Variants in MUC22 observed in about 807,000 individuals in gnomAD.
MUC22 encodes the protein mucin-22.
MUC22 carries 24 observed loss-of-function variants against 40.3 expected under a neutral mutation model. The observed-to-expected ratio is 0.60, with a 90% CI of 0.43 to 0.84. The LOEUF is 0.84. Ranked by LOEUF, MUC22 falls within the 40% of genes least tolerant of loss-of-function variation. The pLI is 0.00. For synonymous variants in MUC22, 765 were observed against 844.5 expected (o/e 0.91, Z 1.63); for missense variants, 1,926 against 2,130.7 (o/e 0.90, Z 1.89).
In MUC22 at chr6:31,026,746, C is replaced by T; in HGVS notation, c.1315C>T (p.Pro439Ser). 4 of 1,494,414 alleles carry T rather than the reference C, an allele frequency of 2.7e-6. 1 individual carries two copies. Among genetic ancestry groups the T allele is most frequent in the Non-Finnish European group, 1.8e-6 (2 of 1,123,994 alleles). The allele number at this position is 1,494,414 out of a possible 1,614,324, so 92.6% of individuals were successfully genotyped here. A position where few individuals can be genotyped will look rare whatever the true frequency, so the allele number is the denominator to read the frequency against. Residue 439 changes from proline to serine, a missense_variant, in exon 2 of 4, where the codon CCC (proline) becomes TCC (serine). By Grantham distance (74) the Pro-to-Ser change is moderately conservative (BLOSUM62 -1). Around this residue, in one of 3 missense-constraint regions of MUC22, gnomAD observed 1,281 missense variants for 1,337.8 expected, o/e 0.96. Transcript: ENST00000561890. ...CACTGCAGGCTCGGAAACCATCACA[C>T]CCTCTACTGCAGGCTCAGAGACCAC...
Position 31,027,109 on chromosome 6 carries a change from ACCATAGGCC to A in MUC22, c.1680_1688del (p.Ile561_Pro563del), listed in dbSNP as rs1369931231. 633 of 1,491,310 alleles carry A rather than the reference ACCATAGGCC, an allele frequency of 4.2e-4. 40 individuals carry two copies. In the African/African-American group the frequency reaches 5.7e-3, roughly 13 times the overall value. 92.4% of individuals were successfully genotyped at this position (1,491,310 alleles called of 1,614,324 possible). ...GGGCTCTGAGACCACTATGGCCTCT[ACCATAGGCC>A]CTGAGACCACCAAGGTCTCCACTGC... On this transcript the variant is annotated inframe_deletion, in exon 2 of 4. Coordinates refer to ENST00000561890, the Ensembl canonical transcript of MUC22.
chr6:31,025,905 C>A lies in MUC22; in HGVS notation c.474C>A (p.Thr158=), dbSNP rs780831150. ...AGACTACCATGGCCTCCAGCACAAC[C>A]TCCACTGCAGGCTCTGAGAAAACGA... Residue 158 remains threonine (T), a synonymous_variant, in exon 2 of 4, where the codon ACC becomes ACA. Coordinates refer to ENST00000561890, the Ensembl canonical transcript of MUC22. 2.3e-5 allele frequency: 35 copies of A among 1,535,474 alleles called. 1 individual carries two copies. Among genetic ancestry groups the A allele is most frequent in the African/African-American group, 2.7e-5 (2 of 72,982 alleles).
At chr6:31,009,324 C>T (rs1280711557), upstream of MUC22, among the ~76,000 whole-genome samples, 1 of 152,178 alleles carries the variant, frequency 6.6e-6, no homozygotes, top group Non-Finnish European at 1.5e-5. Flanking sequence ...ACCTCAGCCT[C>T]TCAAGGTGTT....
At chr6:31,027,337 A>C in exon 2 of MUC22, 1 of 1,531,926 alleles carries the variant, frequency 6.5e-7, no homozygotes, top group Non-Finnish European at 8.7e-7. Context: ...CTCTGAGACC[A>C]CCACAGCTTC....
chr6:31,020,554 G>C (rs1057456725), intron 1 of MUC22, among the ~76,000 whole-genome samples: 1 of 151,196 alleles, frequency 6.6e-6, no homozygotes, highest in Non-Finnish European at 1.5e-5. Flanking sequence ...AGGTGACAGC[G>C]TGCTGGCAGT....
At chr6:31,030,720 C>G (rs774763141) in intron 2 of MUC22, among the ~76,000 whole-genome samples, 9 of 152,194 alleles carry the variant, frequency 5.9e-5, no homozygotes, top group Non-Finnish European at 1.2e-4. Flanking sequence ...AATGCTCCCA[C>G]TTCGGTGCCA....
At chr6:31,025,717 G>T (rs138701007) in exon 2 of MUC22, 1 of 1,528,062 alleles carries the variant, frequency 6.5e-7, no homozygotes, top group Non-Finnish European at 8.8e-7. Context: ...GACCAACACG[G>T]CCTCCACCAC....
upstream of MUC22, among the ~76,000 whole-genome samples, chr6:31,006,844 A>G (rs1763552850): frequency 6.6e-6 from 1 of 152,140 alleles, no homozygotes; most frequent in African/African-American, 2.4e-5. Flanking sequence ...GCTTGCTTAT[A>G]TGTTATTCAA....
intron 1 of MUC22, 93 bp downstream of exon 1, chr6:31,010,869 C>T: frequency 1.6e-6 from 1 of 642,188 alleles, no homozygotes; most frequent in Non-Finnish European, 2.8e-6. Flanking sequence ...CATGACTCTT[C>T]TTCCAGAAAC....
exon 2 of MUC22, chr6:31,030,036 C>T (rs1372418012): frequency 2.0e-6 from 3 of 1,535,684 alleles, no homozygotes; most frequent in Non-Finnish European, 2.6e-6. Flanking sequence ...TCTCTTCCAC[C>T]ACGTTTGTAC....
intron 1 of MUC22, among the ~76,000 whole-genome samples, chr6:31,022,214 T>G (rs1045170515): frequency 6.6e-6 from 1 of 152,178 alleles, no homozygotes; most frequent in Admixed American, 6.5e-5. Context: ...ATTCTTGAAG[T>G]CAGTGAGACC....
chr6:31,006,537 A>G (rs750599158), upstream of MUC22, among the ~76,000 whole-genome samples: 6 of 152,164 alleles, frequency 3.9e-5, no homozygotes, highest in Non-Finnish European at 5.9e-5. Context: ...CATAGAATAT[A>G]CAAGAGTAAA....
chr6:31,029,620 A>G lies in MUC22; in HGVS notation c.4189A>G (p.Thr1397Ala), dbSNP rs559071106. 3.5e-4 allele frequency: 534 copies of G among 1,535,416 alleles called. 1 individual carries two copies. Among genetic ancestry groups the G allele is most frequent in the Non-Finnish European group, 3.8e-4 (438 of 1,146,804 alleles). ...CTCTACCACAGGCTCTGAGATGACT[A>G]CAGTCTTTACCACAGTCTCTGAGAC... The change falls in exon 2 of 4, where the codon ACA becomes GCA. Residue 1397 changes from threonine (T) to alanine (A), a missense_variant. Thr to Ala is a moderately conservative substitution (Grantham distance 58). Transcript: ENST00000561890.
intron 1 of MUC22, among the ~76,000 whole-genome samples, chr6:31,024,182 G>A (rs2150777265): frequency 6.6e-6 from 1 of 152,288 alleles, no homozygotes; most frequent in Middle Eastern, 3.4e-3. Flanking sequence ...AACTGCACCA[G>A]ACTGAAGAAG....
intron 1 of MUC22, among the ~76,000 whole-genome samples, chr6:31,017,081 C>A (rs922715926): frequency 1.4e-4 from 22 of 152,252 alleles, no homozygotes; most frequent in Admixed American, 2.6e-4. Flanking sequence ...GAGCCTCCCC[C>A]ACGCCGCCAT....
At chr6:31,016,769 C>G (rs1165864869) in intron 1 of MUC22, among the ~76,000 whole-genome samples, 1 of 152,230 alleles carries the variant, frequency 6.6e-6, no homozygotes, top group African/African-American at 2.4e-5. Context: ...AGCCAGCTCC[C>G]TCAGCTTTCA....
chr6:31,010,756 T>C (rs1188686561), exon 1 of MUC22: 3 of 702,456 alleles, frequency 4.3e-6, no homozygotes, highest in Non-Finnish European at 7.8e-6. Context: ...TGGCTGCTTC[T>C]CTTTGGACTT....
upstream of MUC22, among the ~76,000 whole-genome samples, chr6:31,007,254 G>A (rs768506166): frequency 3.9e-5 from 6 of 152,186 alleles, no homozygotes; most frequent in Admixed American, 1.3e-4. This position sits in a 1 kb window ranked among gnomAD's most constrained non-coding sequence, Gnocchi z 4.0. Flanking sequence ...GGGCACTCAA[G>A]CACATAGGAC....
intron 1 of MUC22, among the ~76,000 whole-genome samples, chr6:31,018,016 C>T (rs6910636): frequency 0.27 from 41,350 of 152,120 alleles, 5,961 homozygotes; most frequent in African/African-American, 0.36. Flanking sequence ...GAAGAAACGC[C>T]GAACACATCT....
Sources: allele counts gnomAD v4.1 joint callset (sites outside exome capture counted in the v4.1 genomes callset), GRCh38; gene constraint gnomAD v4.1.1; regional missense constraint gnomAD v4.1.1; non-coding constraint Gnocchi (gnomAD v3.1); transcripts MANE v1.5; gene names NCBI Gene and HGNC (gene_info 2026-07-23, HGNC 2026-07-21).